The following NECAB3 variants were observed in gnomAD, a reference collection of about 807,000 sequenced individuals.
NECAB3 encodes N-terminal EF-hand calcium binding protein 3, also known as N-terminal EF-hand calcium-binding protein 3.
A neutral mutation model predicts 57.2 loss-of-function variants in NECAB3; 38 were observed. The ratio of observed to expected loss-of-function variants is 0.66; its 90% confidence interval spans 0.51 to 0.87. The LOEUF (loss-of-function observed/expected upper bound fraction) is 0.87. Ranked by LOEUF, NECAB3 falls within the 40% of genes least tolerant of loss-of-function variation. The pLI is 0.00. For missense variants in NECAB3, 474 were observed against 527.5 expected (o/e 0.90, Z 0.99); for synonymous variants, 223 against 222.6 (o/e 1.00, Z -0.02).
chr20:33,659,773 A>G, intron 7 of NECAB3, 41 bp from the exon 8 acceptor site: 2 of 1,539,012 alleles, frequency 1.3e-6, no homozygotes, highest in Non-Finnish European at 1.7e-6. Context: ...GGGGCCTCTC[A>G]GGTCCCGCAG....
At chr20:33,667,777 G>A (rs937711882) in intron 5 of NECAB3, 3 of 1,612,326 alleles carry the variant, frequency 1.9e-6, no homozygotes, top group African/African-American at 2.7e-5. Context: ...CTTCGAGGGC[G>A]ACCTCCGCGA....
chr20:33,672,600 G>A (rs1054712877), intron 1 of NECAB3, among the ~76,000 whole-genome samples, 178 bp from the exon 2 acceptor site: 8 of 152,220 alleles, frequency 5.3e-5, no homozygotes, highest in African/African-American at 1.4e-4. Flanking sequence ...TCCTGCAAGC[G>A]GGGCACAGGA....
At chr20:33,667,169 T>A (rs1230816463) in intron 5 of NECAB3, 2 of 244,554 alleles carry the variant, frequency 8.2e-6, no homozygotes, top group East Asian at 1.5e-4. Context: ...GGCTCGGGCT[T>A]CACCAAGGCG....
At position 33,663,376 on chromosome 20, in the gene NECAB3, G is replaced by A. The variant is rs2122481939; in HGVS notation, c.388-2981C>T. 3.9e-6 allele frequency: 3 copies of A among 771,010 alleles called. No homozygotes were observed. In the Admixed American group the frequency reaches 9.8e-5, roughly 25 times the overall value. The allele number at this position is 771,010 out of a possible 1,614,324, so 47.8% of individuals were successfully genotyped here. A position where few individuals can be genotyped will look rare whatever the true frequency, so the allele number is the denominator to read the frequency against. ...CTTCCCCGCGGCCTGAATTGGACAG[G>A]GGTCCCCTCCAGCCCTGTGCACGAG... is the stretch of plus-strand genomic sequence containing the variant. On this transcript the variant is annotated intron_variant, in intron 5 of 11. Transcript: ENST00000246190.
At position 33,657,834 on chromosome 20, in the gene NECAB3, T is replaced by G; in HGVS notation, c.1186A>C (p.Asn396His). The part of the protein sequence containing the change: ...FPASWWIMNN[N>H] ...TCGGCGTGTGCAGGTCTGGCTCAGT[T>G]GTTATTCATTATCCACCAGGAGGCT... The change falls in exon 12 of 12, where the codon AAC becomes CAC. Residue 396 changes from asparagine to histidine, a missense_variant. Coordinates refer to ENST00000246190, the MANE Select transcript of NECAB3 (RefSeq NM_031232.4). The G allele has an allele frequency of 6.5e-7, 1 of 1,539,498 alleles. No homozygotes were observed. Among genetic ancestry groups the G allele is most frequent in the Non-Finnish European group, 8.8e-7 (1 of 1,140,310 alleles).
chr20:33,674,438 T>TGGCGCC (rs1444517598), upstream of NECAB3: 115 of 1,044,030 alleles, frequency 1.1e-4, no homozygotes, highest in Non-Finnish European at 1.3e-4. Flanking sequence ...GGCCGCCCCT[T>TGGCGCC]GGCGCCGGCG....
chr20:33,664,515 CT>C, intron 5 of NECAB3: 1 of 176,184 alleles, frequency 5.7e-6, no homozygotes, highest in Non-Finnish European at 1.2e-5. Context: ...GTCCCATCTC[CT>C]TCCCCACGTG....
chr20:33,674,081 G>A (rs551663632), intron 1 of NECAB3, 143 bp downstream of exon 1: 12 of 882,936 alleles, frequency 1.4e-5, no homozygotes, highest in Middle Eastern at 5.1e-4. Flanking sequence ...TCACACAAGG[G>A]CAGAAAGGTC....
At chr20:33,674,925 AC>A (rs1385421038), upstream of NECAB3, 1 of 151,698 alleles carries the variant, frequency 6.6e-6, no homozygotes, top group Non-Finnish European at 1.5e-5. Flanking sequence ...CCTCCCTTCA[AC>A]CCGTTCTCCA....
At chr20:33,659,829 G>T in intron 7 of NECAB3, 56 bp downstream of exon 7, 2 of 1,533,780 alleles carry the variant, frequency 1.3e-6, no homozygotes, top group Non-Finnish European at 1.7e-6. Flanking sequence ...GGCCCTGGGG[G>T]AAGGGGGGAT....
Position 33,660,441 on chromosome 20 carries a change from G to A in NECAB3, c.388-46C>T, listed in dbSNP as rs777900162. On this transcript the variant is annotated intron_variant, in intron 5 of 11. Transcript: ENST00000246190. This position sits in a 1 kb window ranked among gnomAD's most constrained non-coding sequence, Gnocchi z 4.1. ...GTCAGCATCTCCCAGCCCGGGCACT[G>A]ATCTCTTGAGTGGGTCCCCTGCCTC... The A allele has an allele frequency of 8.8e-6, 14 of 1,599,588 alleles. No individual in the cohort carries two copies. Among genetic ancestry groups the A allele is most frequent in the Middle Eastern group, 1.8e-4 (1 of 5,430 alleles).
At chr20:33,659,422 C>T (rs996106330) in intron 8 of NECAB3, 75 bp downstream of exon 8, 39 of 1,309,332 alleles carry the variant, frequency 3.0e-5, no homozygotes, top group South Asian at 1.3e-4. Flanking sequence ...GGTGGGCAAC[C>T]GGCCCCATGA....
In NECAB3 at chr20:33,660,407, G is replaced by T. The variant is rs2017432384; in HGVS notation, c.388-12C>A. The T allele has an allele frequency of 6.2e-7, 1 of 1,611,958 alleles. No individual in the cohort carries two copies. Among genetic ancestry groups the T allele is most frequent in the Non-Finnish European group, 8.5e-7 (1 of 1,178,688 alleles). On this transcript the variant is annotated splice_polypyrimidine_tract_variant and intron_variant, in intron 5 of 11. Transcript: ENST00000246190. The surrounding 1 kb of genome is among the most constrained non-coding windows in gnomAD (Gnocchi z 4.1). ...GCCCTCTCGTACTCCTGTGGGCCAA[G>T]GAGGGACGGTCAGCATCTCCCAGCC...
At position 33,663,650 on chromosome 20, in the gene NECAB3, G is replaced by A. The variant is rs941096356; in HGVS notation, c.388-3255C>T. The A allele has an allele frequency of 3.1e-6, 5 of 1,600,334 alleles. No homozygotes were observed. In the East Asian group the frequency reaches 9.0e-5, roughly 29 times the overall value. ...TCCCCGGCGGCACCCAGATTGCGCG[G>A]AGCGGGCGAAGGTAGCGAGCGCGAG... On this transcript the variant is annotated intron_variant, in intron 5 of 11. Coordinates refer to ENST00000246190, the MANE Select transcript of NECAB3 (RefSeq NM_031232.4).
chr20:33,670,911 G>A (rs1601175383), intron 2 of NECAB3, 119 bp from the exon 3 acceptor site: 2 of 667,282 alleles, frequency 3.0e-6, no homozygotes, highest in East Asian at 2.7e-5. Flanking sequence ...CTAGCTAGGT[G>A]AGATGGGAGT....
intron 5 of NECAB3, among the ~76,000 whole-genome samples, chr20:33,666,277 T>TGGGAGTA (rs1446540398): frequency 6.6e-6 from 1 of 152,024 alleles, no homozygotes; most frequent in African/African-American, 2.4e-5. Flanking sequence ...ATCAGATAAT[T>TGGGAGTA]CTAAGTGGTT....
At chr20:33,672,540 G>A (rs939998263) in intron 1 of NECAB3, 118 bp from the exon 2 acceptor site, 173 of 1,224,802 alleles carry the variant, frequency 1.4e-4, no homozygotes, top group Non-Finnish European at 1.9e-4. Context: ...CTTTCCTCCC[G>A]CCCAGCCTGG....
rs1207366449 is a variant in NECAB3, at chr20:33,657,797, G to C, written c.*32C>G. The C allele has an allele frequency of 1.3e-5, 20 of 1,510,698 alleles. No homozygotes were observed. Among genetic ancestry groups the C allele is most frequent in the Non-Finnish European group, 1.6e-5 (18 of 1,125,372 alleles). The allele number at this position is 1,510,698 out of a possible 1,614,324, so 93.6% of individuals were successfully genotyped here. A position where few individuals can be genotyped will look rare whatever the true frequency, so the allele number is the denominator to read the frequency against. On this transcript the variant is annotated 3_prime_UTR_variant, in exon 12 of 12. Coordinates refer to ENST00000246190, the MANE Select transcript of NECAB3 (RefSeq NM_031232.4). ...AAGGCTCCAGAGGGAGGCAGGCAGG[G>C]TCCCGGGGCCCTCGGCGTGTGCAGG...
Position 33,660,071 on chromosome 20 carries a change from G to A in NECAB3, c.525-68C>T, listed in dbSNP as rs1319238435. ...GGACGGGATAAGCCTGGGTGGGGAA[G>A]ACAAGCCTCCTGGGACTCCGAGGCC... On this transcript the variant is annotated intron_variant, in intron 6 of 11. Coordinates refer to ENST00000246190, the MANE Select transcript of NECAB3 (RefSeq NM_031232.4). The surrounding 1 kb of genome is among the most constrained non-coding windows in gnomAD (Gnocchi z 4.1). 4 of 1,530,070 alleles carry A rather than the reference G, an allele frequency of 2.6e-6. No homozygotes were observed. Among genetic ancestry groups the A allele is most frequent in the East Asian group, 2.3e-5 (1 of 42,856 alleles). 94.8% of individuals were successfully genotyped at this position (1,530,070 alleles called of 1,614,324 possible). A position where few individuals can be genotyped will look rare whatever the true frequency, so the allele number is the denominator to read the frequency against.
Sources: allele counts gnomAD v4.1 joint callset (sites outside exome capture counted in the v4.1 genomes callset), GRCh38; gene constraint gnomAD v4.1.1; non-coding constraint Gnocchi (gnomAD v3.1); transcripts MANE v1.5; gene names NCBI Gene and HGNC (gene_info 2026-07-23, HGNC 2026-07-21).